EXOC2: variants seen among roughly 807,000 people sequenced by gnomAD.
EXOC2 encodes exocyst complex component 2.
In EXOC2, 70 loss-of-function variants were observed where a neutral mutation model predicts 131.8. That is an observed-to-expected ratio of 0.53 (90% CI 0.44 to 0.65). The LOEUF (loss-of-function observed/expected upper bound fraction) is 0.65. Among genes scored for constraint, EXOC2 ranks in the 30% least tolerant of loss-of-function variants. The pLI is 0.00. For synonymous variants in EXOC2, 411 were observed against 398.4 expected (o/e 1.03, Z -0.38); for missense variants, 923 against 1,108.6 (o/e 0.83, Z 2.38).
At chr6:511,203 G>C (rs1764826740) in intron 23 of EXOC2, among the ~76,000 whole-genome samples, 1 of 152,318 alleles carries the variant, frequency 6.6e-6, no homozygotes, top group South Asian at 2.1e-4. Context: ...GCAGTGCCGT[G>C]CCTGCTGCTG....
rs150016753 is a variant in EXOC2 at position 586,321 on chromosome 6, G to A, written c.1192+6148C>T. 7.6e-3 allele frequency among the ~76,000 whole-genome samples: 1,152 copies of A among 152,316 alleles called. 18 individuals are homozygous for A. The highest frequency in any genetic ancestry group is 0.026 in the African/African-American group (1,061 of 41,562). ...ATGTGCCATGAGTTCCTTTGGCTCT[G>A]ATGGGGGCACTGCGGGCCTTCCCAG... On this transcript the variant is annotated intron_variant, in intron 11 of 27. Coordinates refer to ENST00000230449, the MANE Select transcript of EXOC2 (RefSeq NM_018303.6).
At chr6:625,154 G>A (rs137989549) in intron 4 of EXOC2, among the ~76,000 whole-genome samples, 4 of 152,344 alleles carry the variant, frequency 2.6e-5, no homozygotes, top group African/African-American at 9.6e-5. Context: ...GAAGACACAG[G>A]CCTGTGGACT....
At chr6:641,512 C>T (rs1561960514) in intron 1 of EXOC2, among the ~76,000 whole-genome samples, 5 of 152,192 alleles carry the variant, frequency 3.3e-5, no homozygotes, top group Admixed American at 6.5e-5. Context: ...TGTGGAGAGG[C>T]GGGGCTGCAG....
At chr6:543,901 A>G (rs888127884) in intron 22 of EXOC2, among the ~76,000 whole-genome samples, 1 of 152,228 alleles carries the variant, frequency 6.6e-6, no homozygotes, top group African/African-American at 2.4e-5. Context: ...AGGTATCAGA[A>G]TGACATGCAG....
chr6:647,981 C>T (rs991759516), intron 1 of EXOC2, among the ~76,000 whole-genome samples: 4 of 152,130 alleles, frequency 2.6e-5, no homozygotes, highest in East Asian at 1.9e-4. Flanking sequence ...GAAAAGCCAA[C>T]AGGCATTACA....
intron 10 of EXOC2, among the ~76,000 whole-genome samples, chr6:593,310 T>A (rs1759644742): frequency 6.6e-6 from 1 of 152,162 alleles, no homozygotes; most frequent in South Asian, 2.1e-4. Context: ...TCCTTTCTGA[T>A]ATGAAATATG....
intron 25 of EXOC2, among the ~76,000 whole-genome samples, chr6:495,250 C>T (rs553407517): frequency 1.1e-4 from 17 of 152,130 alleles, no homozygotes; most frequent in African/African-American, 2.2e-4. Context: ...CTCAGCCTCC[C>T]GAGTAGCTGG....
intron 17 of EXOC2, among the ~76,000 whole-genome samples, chr6:558,649 T>C (rs1191850290): frequency 1.3e-5 from 2 of 151,810 alleles, no homozygotes; most frequent in Non-Finnish European, 2.9e-5. Flanking sequence ...CCATCTCTAC[T>C]AAAAATACAA....
At chr6:613,039 A>G (rs1349944840) in intron 6 of EXOC2, among the ~76,000 whole-genome samples, 1 of 152,190 alleles carries the variant, frequency 6.6e-6, no homozygotes, top group Non-Finnish European at 1.5e-5. Context: ...AAACAGCTCC[A>G]GGAACCTCAC....
At chr6:688,472 G>C (rs565042087) in intron 1 of EXOC2, among the ~76,000 whole-genome samples, 1 of 152,352 alleles carries the variant, frequency 6.6e-6, no homozygotes, top group South Asian at 2.1e-4. Flanking sequence ...TGGCATGACA[G>C]TGACTGAAGA....
intron 11 of EXOC2, among the ~76,000 whole-genome samples, chr6:589,844 C>T (rs977323221): frequency 7.9e-5 from 12 of 152,196 alleles, no homozygotes; most frequent in African/African-American, 2.9e-4. Flanking sequence ...TGGTAGCTCA[C>T]GCCTGTAATC....
chr6:524,695 T>C (rs1214579582), intron 23 of EXOC2, among the ~76,000 whole-genome samples: 1 of 152,220 alleles, frequency 6.6e-6, no homozygotes, highest in Non-Finnish European at 1.5e-5. Context: ...GTAAAACCAT[T>C]TGGACTTGGA....
In EXOC2 at chr6:556,476, A is replaced by G. The variant is rs756110547; in HGVS notation, c.1932+8T>C. On this transcript the variant is annotated splice_region_variant and intron_variant, in intron 18 of 27. Coordinates refer to ENST00000230449, the MANE Select transcript of EXOC2 (RefSeq NM_018303.6). ...AAACTGGAGTCCAAGCGGAGCTGGA[A>G]TACTTACACTGGCCTCTCCCGGCTT... 2 of 1,613,736 alleles carry G rather than the reference A, an allele frequency of 1.2e-6. No individual in the cohort carries two copies. Among genetic ancestry groups the G allele is most frequent in the South Asian group, 1.1e-5 (1 of 90,974 alleles).
In EXOC2 at chr6:633,027, T is replaced by C. The variant is rs764529892; in HGVS notation, c.209A>G (p.Asp70Gly). ...IVCRVGQAKN[D>G]KGDIIVTTKS... ...AGTGGTGACAATAATGTCTCCTTTGTCATTTTTGGCTTGTCCCACTCGACA... is the reference window on the plus strand; with the variant it reads ...AGTGGTGACAATAATGTCTCCTTTGCCATTTTTGGCTTGTCCCACTCGACA... The change falls in exon 3 of 28, where the codon GAC (aspartate) becomes GGC (glycine). Residue 70 changes from aspartate to glycine, a missense_variant. By Grantham distance (94) the Asp-to-Gly change is moderately conservative (BLOSUM62 -1). Transcript: ENST00000230449. 1 of 1,614,214 alleles carries C rather than the reference T, an allele frequency of 6.2e-7. No homozygotes were observed.
intron 4 of EXOC2, 113 bp from the exon 5 acceptor site, chr6:619,656 C>T (rs894688550): frequency 3.8e-5 from 23 of 607,324 alleles, no homozygotes; most frequent in African/African-American, 3.7e-4. Context: ...TACAACAATA[C>T]ATATTAATCA....
chr6:597,535 T>G (rs1156996006), intron 10 of EXOC2, among the ~76,000 whole-genome samples: 1 of 152,236 alleles, frequency 6.6e-6, no homozygotes, highest in African/African-American at 2.4e-5. Flanking sequence ...TATTTCTCTT[T>G]CACTGACCAC....
intron 1 of EXOC2, among the ~76,000 whole-genome samples, chr6:641,087 T>C (rs1405088648): frequency 6.6e-6 from 1 of 151,902 alleles, no homozygotes; most frequent in Non-Finnish European, 1.5e-5. Flanking sequence ...TTAAACAAAA[T>C]TGAAATAAGG....
chr6:518,010 T>C (rs1031605126), intron 23 of EXOC2, among the ~76,000 whole-genome samples: 3 of 152,220 alleles, frequency 2.0e-5, no homozygotes, highest in East Asian at 1.9e-4. Context: ...AAGAGACATA[T>C]CAACCAAAAG....
At chr6:500,437 G>A (rs1287592403) in intron 23 of EXOC2, among the ~76,000 whole-genome samples, 2 of 152,214 alleles carry the variant, frequency 1.3e-5, no homozygotes, top group Non-Finnish European at 2.9e-5. Flanking sequence ...CCAAACCCCA[G>A]TTTCGACAGC....
Sources: gnomAD v4.1 joint callset for allele counts (sites outside exome capture counted in the v4.1 genomes callset) on GRCh38, gnomAD v4.1.1 for gene constraint, MANE v1.5 for transcripts, NCBI Gene and HGNC (gene_info 2026-07-23, HGNC 2026-07-21) for gene names.